ARHGEF3: variants seen among roughly 807,000 people sequenced by gnomAD.
ARHGEF3 encodes the protein 59.8 kDA protein.
ARHGEF3 carries 28 observed loss-of-function variants against 63.2 expected under a neutral mutation model. That is an observed-to-expected ratio of 0.44 (90% CI 0.33 to 0.61). The LOEUF (loss-of-function observed/expected upper bound fraction) is 0.61. Among genes scored for constraint, ARHGEF3 ranks in the 20% least tolerant of loss-of-function variants. ARHGEF3 has a pLI of 0.03. For synonymous variants in ARHGEF3, 266 were observed against 254.2 expected, an observed-to-expected ratio of 1.05 and a Z score of -0.44; for missense variants, 533 against 659.3, an observed-to-expected ratio of 0.81 and a Z score of 2.10.
intron 4 of ARHGEF3, among the ~76,000 whole-genome samples, chr3:56,839,185 G>T (rs1268648981): frequency 6.6e-6 from 1 of 151,910 alleles, no homozygotes; most frequent in African/African-American, 2.4e-5. Context: ...AAAGGCAAGA[G>T]AACATAATAT....
chr3:56,857,003 G>C (rs2039909391), intron 4 of ARHGEF3, among the ~76,000 whole-genome samples: 1 of 151,882 alleles, frequency 6.6e-6, no homozygotes, highest in Non-Finnish European at 1.5e-5. Flanking sequence ...TGCAGCCATG[G>C]GCCATATTTC....
intron 1 of ARHGEF3, among the ~76,000 whole-genome samples, chr3:57,068,822 C>T (rs80242482): frequency 0.1 from 15,942 of 152,114 alleles, 1,042 homozygotes; most frequent in East Asian, 0.35. Flanking sequence ...TGCACACACA[C>T]GCACACACCC....
rs974994616 is a variant in ARHGEF3, at chr3:57,019,933, T to C, written c.62+15155A>G. Among the ~76,000 whole-genome samples the C allele has an allele frequency of 3.9e-5, 6 of 152,310 alleles. 1 individual carries two copies. The East Asian group carries it at 9.7e-4, about 25-fold the overall frequency. The stretch of plus-strand genomic sequence containing the variant: ...TTATGAACGAGACAGAGTTTCACTC[T>C]TGTTGCCCAGGCTGGAGTACAATGG... On this transcript the variant is annotated intron_variant, in intron 2 of 12. Transcript: ENST00000338458.
intron 2 of ARHGEF3, among the ~76,000 whole-genome samples, chr3:56,964,254 G>C (rs1023512331): frequency 6.6e-6 from 1 of 151,710 alleles, no homozygotes; most frequent in South Asian, 2.1e-4. Context: ...TTGGGAGGCT[G>C]AGGCATGAGA....
chr3:56,775,297 T>C, intron 1 of ARHGEF3: 1 of 1,211,830 alleles, frequency 8.3e-7, no homozygotes, highest in Non-Finnish European at 1.0e-6. Flanking sequence ...TGTCATTTTA[T>C]GCCCCTGCCA....
chr3:56,929,206 C>T (rs2042349790), intron 3 of ARHGEF3, among the ~76,000 whole-genome samples: 1 of 152,156 alleles, frequency 6.6e-6, no homozygotes, highest in Admixed American at 6.5e-5. Flanking sequence ...TGACTGTGGC[C>T]TCTTCTACTC....
intron 3 of ARHGEF3, among the ~76,000 whole-genome samples, chr3:56,949,996 T>G (rs1411159061): frequency 6.6e-6 from 1 of 152,022 alleles, no homozygotes; most frequent in Non-Finnish European, 1.5e-5. Context: ...AACCATCTGA[T>G]CTTTGACAAA....
chr3:57,069,119 C>A (rs1705734343), intron 1 of ARHGEF3, among the ~76,000 whole-genome samples: 1 of 152,014 alleles, frequency 6.6e-6, no homozygotes, highest in Non-Finnish European at 1.5e-5. Flanking sequence ...GACGGGGTTT[C>A]ACCATCTTGG....
At chr3:56,860,633 G>GT (rs1160410335) in intron 4 of ARHGEF3, among the ~76,000 whole-genome samples, 1 of 152,212 alleles carries the variant, frequency 6.6e-6, no homozygotes, top group Non-Finnish European at 1.5e-5. Context: ...TATTGCTGTG[G>GT]TTTTTTGTCC....
chr3:56,768,402 T>C (rs1196676513), intron 2 of ARHGEF3, among the ~76,000 whole-genome samples: 2 of 150,568 alleles, frequency 1.3e-5, no homozygotes, highest in Non-Finnish European at 1.5e-5. Context: ...CAAAGCACAA[T>C]AGAAGGTAAT....
intron 2 of ARHGEF3, among the ~76,000 whole-genome samples, chr3:56,993,995 C>T (rs1255377054): frequency 7.4e-6 from 1 of 135,956 alleles, no homozygotes; most frequent in Non-Finnish European, 1.5e-5. Context: ...ACCCGGGAGG[C>T]GGAAGTTGCA....
At chr3:56,775,935 G>A (rs1031473542) in intron 1 of ARHGEF3, among the ~76,000 whole-genome samples, 2 of 152,096 alleles carry the variant, frequency 1.3e-5, no homozygotes, top group Middle Eastern at 3.2e-3. Context: ...ATTCCCTGAG[G>A]GAGCAGGACC....
chr3:56,882,235 C>T, intron 4 of ARHGEF3: 2 of 1,487,424 alleles, frequency 1.3e-6, no homozygotes, highest in Non-Finnish European at 1.8e-6. Context: ...TAACAAATAA[C>T]CTTCGGAGAA....
intron 9 of ARHGEF3, among the ~76,000 whole-genome samples, chr3:56,731,411 C>T (rs76218586): frequency 0.19 from 28,263 of 151,030 alleles, 2,844 homozygotes; most frequent in South Asian, 0.39. Flanking sequence ...AGCCCCTGTA[C>T]TCCCAGTTAC....
At chr3:57,027,562 G>A (rs115306585) in intron 2 of ARHGEF3, among the ~76,000 whole-genome samples, 2,484 of 152,218 alleles carry the variant, frequency 0.016, 67 homozygotes, top group African/African-American at 0.057. Context: ...AGCGTCAAAG[G>A]TGCAGGTTTA....
In ARHGEF3 at chr3:56,737,186, A is replaced by G; in HGVS notation, c.1040T>C (p.Val347Ala). Reference protein sequence around the residue: ...CHGELKNNRGVKLHVFLFQEV... With the variant: ...CHGELKNNRGAKLHVFLFQEV... ...TGCTTAAAGGGAGTAACTACTTACC[A>G]CGCCCCGATTGTTCTTCAGTTCACC... Residue 347 changes from valine to alanine, a missense_variant and splice_region_variant, in exon 8 of 10, where the codon GTG (valine) becomes GCG (alanine). By Grantham distance (64) the Val-to-Ala change is moderately conservative. Around this residue, in one of 4 missense-constraint regions of ARHGEF3, gnomAD observed 151 missense variants for 190.7 expected, o/e 0.79. Transcript: ENST00000296315. 6.2e-7 allele frequency: 1 copy of G among 1,613,216 alleles called. No individual in the cohort carries two copies. The highest frequency in any genetic ancestry group is 8.5e-7 in the Non-Finnish European group (1 of 1,179,456).
rs188748063 is a variant in ARHGEF3, at chr3:57,000,681, C to T, written c.62+34407G>A. Reference sequence around the variant, plus strand: ...CAGAGTAGCTGGGACTACAGGCACACGCCTCCTTGCCTGGCAAATTTTTGT... The same window carrying T: ...CAGAGTAGCTGGGACTACAGGCACATGCCTCCTTGCCTGGCAAATTTTTGT... On this transcript the variant is annotated intron_variant, in intron 2 of 12. Transcript: ENST00000338458. 1.9e-3 allele frequency among the ~76,000 whole-genome samples: 291 copies of T among 152,164 alleles called. 1 individual carries two copies. The highest frequency in any genetic ancestry group is 2.5e-3 in the Non-Finnish European group (171 of 67,990).
intron 4 of ARHGEF3, among the ~76,000 whole-genome samples, chr3:56,836,508 G>A (rs1381916185): frequency 1.3e-5 from 2 of 152,144 alleles, no homozygotes; most frequent in Non-Finnish European, 2.9e-5. Context: ...CTACAATCAT[G>A]TTTGGGATGC....
At chr3:56,826,615 G>T (rs1361922874) in intron 4 of ARHGEF3, among the ~76,000 whole-genome samples, 1 of 152,190 alleles carries the variant, frequency 6.6e-6, no homozygotes, top group East Asian at 1.9e-4. Context: ...GGTTTTGAAG[G>T]CTGATGGCAT....
Sources: allele counts gnomAD v4.1 joint callset (sites outside exome capture counted in the v4.1 genomes callset), GRCh38; gene constraint gnomAD v4.1.1; regional missense constraint gnomAD v4.1.1; transcripts MANE v1.5; gene names NCBI Gene and HGNC (gene_info 2026-07-23, HGNC 2026-07-21).